The following SUMF1 variants were observed in gnomAD, a reference collection of about 807,000 sequenced individuals.
SUMF1 encodes the protein sulfatase modifying factor 1.
A neutral mutation model predicts 47.6 loss-of-function variants in SUMF1; 48 were observed. That is an observed-to-expected ratio of 1.01 (90% confidence interval 0.80 to 1.28). The LOEUF (loss-of-function observed/expected upper bound fraction) is 1.28. Ranked by LOEUF, SUMF1 falls within the 50% of genes most tolerant of loss-of-function variation. SUMF1 has a pLI of 0.00. For missense variants in SUMF1, 571 were observed against 485.4 expected (o/e 1.18, Z -1.66); for synonymous variants, 230 against 192.1 (o/e 1.20, Z -1.63).
chr3:4,418,206 G>A lies in SUMF1; in HGVS notation c.603-74C>T, dbSNP rs138669586. ...AAGCAGGAGCTGGCTTCAGCAAAGC[G>A]CCCATAATCCCCCTCAGTTCAATCT... On this transcript the variant is annotated intron_variant, in intron 4 of 8. Transcript: ENST00000272902. The A allele has an allele frequency of 6.7e-4, 1,076 of 1,599,982 alleles. 5 individuals carry two copies. The African/African-American group carries it at 0.013, about 19-fold the overall frequency.
chr3:4,101,652 C>T (rs949741954), intron 8 of SUMF1, among the ~76,000 whole-genome samples: 12 of 152,094 alleles, frequency 7.9e-5, no homozygotes, highest in Non-Finnish European at 1.8e-4. Context: ...TTAATGTTCT[C>T]ACTGCAAAGA....
At chr3:4,438,951 C>G (rs570733711) in intron 3 of SUMF1, among the ~76,000 whole-genome samples, 4 of 152,296 alleles carry the variant, frequency 2.6e-5, no homozygotes, top group Non-Finnish European at 4.4e-5. Context: ...GGGCCACATT[C>G]TCTGATTACA....
chr3:4,297,272 C>T (rs925250175), intron 8 of SUMF1, among the ~76,000 whole-genome samples: 6 of 152,130 alleles, frequency 3.9e-5, no homozygotes, highest in African/African-American at 1.4e-4. Flanking sequence ...GAAATGGTCA[C>T]CAAATTGGAC....
intron 7 of SUMF1, among the ~76,000 whole-genome samples, chr3:4,395,193 G>C (rs1362744428): frequency 6.6e-6 from 1 of 152,134 alleles, no homozygotes; most frequent in Admixed American, 6.5e-5. Context: ...AGGAGTCAAA[G>C]TCCATCACAC....
intron 8 of SUMF1, among the ~76,000 whole-genome samples, chr3:4,140,277 C>G (rs184992425): frequency 8.3e-4 from 127 of 152,196 alleles, no homozygotes; most frequent in African/African-American, 2.9e-3. Flanking sequence ...AAATAGGGAT[C>G]TTATTTATAC....
chr3:4,080,913 T>C (rs1047743270), intron 8 of SUMF1, among the ~76,000 whole-genome samples: 2 of 152,124 alleles, frequency 1.3e-5, no homozygotes, highest in African/African-American at 4.8e-5. Flanking sequence ...ATCTTGACTT[T>C]CTCACTTCCT....
intron 8 of SUMF1, among the ~76,000 whole-genome samples, chr3:4,290,479 C>G (rs998361875): frequency 2.6e-5 from 4 of 152,114 alleles, no homozygotes; most frequent in East Asian, 3.9e-4. Context: ...CCTTGTGGAC[C>G]GTAAGGGTAT....
intron 8 of SUMF1, among the ~76,000 whole-genome samples, chr3:4,306,072 C>G (rs111290130): frequency 0.011 from 1,718 of 152,270 alleles, 21 homozygotes; most frequent in African/African-American, 0.038. Context: ...AAGAATACAA[C>G]AAACAGAAAA....
intron 8 of SUMF1, among the ~76,000 whole-genome samples, chr3:4,212,425 C>T (rs1169570560): frequency 6.6e-6 from 1 of 152,002 alleles, no homozygotes; most frequent in Admixed American, 6.5e-5. Flanking sequence ...ACATCAAAGA[C>T]CAAAGGTAGA....
At chr3:4,165,141 C>A (rs74193998) in intron 8 of SUMF1, among the ~76,000 whole-genome samples, 1 of 152,000 alleles carries the variant, frequency 6.6e-6, no homozygotes, top group African/African-American at 2.4e-5. Context: ...GACTAAGATA[C>A]CAGGTATCTC....
intron 8 of SUMF1, among the ~76,000 whole-genome samples, chr3:4,116,720 C>G (rs1017961446): frequency 6.6e-6 from 1 of 152,082 alleles, no homozygotes; most frequent in Non-Finnish European, 1.5e-5. Flanking sequence ...CACTTCTTAT[C>G]TGGTATCTTC....
intron 8 of SUMF1, among the ~76,000 whole-genome samples, chr3:4,238,957 T>C (rs751322735): frequency 2.6e-5 from 4 of 152,126 alleles, no homozygotes; most frequent in African/African-American, 9.7e-5. Flanking sequence ...TTCTATAAGG[T>C]GTAAGGAAGG....
At chr3:4,195,172 G>T (rs1436017194) in intron 8 of SUMF1, among the ~76,000 whole-genome samples, 6 of 152,008 alleles carry the variant, frequency 3.9e-5, no homozygotes, top group African/African-American at 1.2e-4. Flanking sequence ...ACATTACAAA[G>T]GAAAATTTGA....
chr3:4,303,871 A>G (rs1366541424), intron 8 of SUMF1: 2 of 1,295,902 alleles, frequency 1.5e-6, no homozygotes, highest in Non-Finnish European at 1.0e-6. Context: ...TCTCACAGGT[A>G]GGATAAGCCG....
At position 4,124,677 on chromosome 3, in the gene SUMF1, A is replaced by G. The variant is rs543618771; in HGVS notation, c.1015-55932T>C. On this transcript the variant is annotated intron_variant and NMD_transcript_variant, in intron 8 of 12. Coordinates refer to the SUMF1 transcript ENST00000448413. ...AAAAGGACACACATTTACTATTTGG[A>G]AGCTAATGTTAATTATCTTTGGCTT... Among the ~76,000 whole-genome samples the G allele has an allele frequency of 1.6e-3, 245 of 152,212 alleles. 2 individuals carry two copies. The highest frequency in any genetic ancestry group is 5.7e-3 in the African/African-American group (237 of 41,530).
intron 8 of SUMF1, among the ~76,000 whole-genome samples, chr3:4,175,561 G>C (rs780795252): frequency 6.6e-6 from 1 of 152,168 alleles, no homozygotes; most frequent in Non-Finnish European, 1.5e-5. Flanking sequence ...ACCAAAGGTA[G>C]ATAAAACCAC....
At chr3:4,222,224 A>G (rs1314274475) in intron 8 of SUMF1, among the ~76,000 whole-genome samples, 2 of 152,046 alleles carry the variant, frequency 1.3e-5, no homozygotes, top group African/African-American at 4.8e-5. Context: ...AGATTTCTAT[A>G]CTGAGCATAT....
At chr3:4,310,291 T>G (rs1051378653) in intron 8 of SUMF1, among the ~76,000 whole-genome samples, 1 of 152,216 alleles carries the variant, frequency 6.6e-6, no homozygotes, top group Non-Finnish European at 1.5e-5. Flanking sequence ...CTTTTCAATA[T>G]GTAAATACCT....
chr3:4,264,084 C>T (rs957282237), intron 8 of SUMF1, among the ~76,000 whole-genome samples: 1 of 152,026 alleles, frequency 6.6e-6, no homozygotes, highest in African/African-American at 2.4e-5. Context: ...GGTTATGATC[C>T]CTACTAAGTA....
Sources: allele counts gnomAD v4.1 joint callset (sites outside exome capture counted in the v4.1 genomes callset), GRCh38; gene constraint gnomAD v4.1.1; transcripts MANE v1.5; gene names NCBI Gene and HGNC (gene_info 2026-07-23, HGNC 2026-07-21).